Variants in NPDC1 observed in about 807,000 individuals in gnomAD.
The protein encoded by NPDC1 is neural proliferation differentiation and control protein 1.
Under a neutral mutation model 32.5 loss-of-function variants are expected in NPDC1, and 18 were observed. That is an observed-to-expected ratio of 0.55 (90% CI 0.38 to 0.82). The LOEUF (loss-of-function observed/expected upper bound fraction) is 0.82, where lower values mean the gene tolerates loss of function less well. Ranked by LOEUF, NPDC1 falls within the 40% of genes least tolerant of loss-of-function variation. The probability of loss-of-function intolerance (pLI) is 0.00; values close to 1 mark genes in which losing one functional copy is unlikely to be tolerated. For missense variants in NPDC1, 468 were observed against 406.6 expected (o/e 1.15, Z -1.30); for synonymous variants, 210 against 184.7 (o/e 1.14, Z -1.11).
chr9:137,045,256 C>A (rs150270021), intron 1 of NPDC1, among the ~76,000 whole-genome samples: 1 of 152,368 alleles, frequency 6.6e-6, no homozygotes, highest in African/African-American at 2.4e-5. Flanking sequence ...ATGCCAGTGC[C>A]CTCGAGGGCA....
Position 137,046,053 on chromosome 9 carries a change from G to T in NPDC1, c.-64C>A. 1 of 1,154,244 alleles carries T rather than the reference G, an allele frequency of 8.7e-7. No individual in the cohort carries two copies. Among genetic ancestry groups the T allele is most frequent in the Non-Finnish European group, 1.1e-6 (1 of 937,514 alleles). 71.5% of individuals were successfully genotyped at this position (1,154,244 alleles called of 1,614,324 possible). ...GCCAGGGGCTCGGCGCGGGCTCCGG[G>T]CTCCGCGTCGGGAGCAGCGGAGGCA... is the stretch of plus-strand genomic sequence containing the variant. On this transcript the variant is annotated 5_prime_UTR_variant, in exon 1 of 9. Transcript: ENST00000371601.
chr9:137,039,596 G>A lies in NPDC1; in HGVS notation c.*176C>T, dbSNP rs1285824651. 2 of 583,432 alleles carry A rather than the reference G, an allele frequency of 3.4e-6. No homozygotes were observed. Among genetic ancestry groups the A allele is most frequent in the Middle Eastern group, 3.1e-4 (1 of 3,226 alleles). The allele number at this position is 583,432 out of a possible 1,614,324, so 36.1% of individuals were successfully genotyped here. A position where few individuals can be genotyped will look rare whatever the true frequency, so the allele number is the denominator to read the frequency against. On this transcript the variant is annotated 3_prime_UTR_variant, in exon 9 of 9. Coordinates refer to ENST00000371601, the MANE Select transcript of NPDC1 (RefSeq NM_015392.4). ...CAGGAGAGGTGCAGGGGACCAGGAG[G>A]TGTCCTGGCACAAAGGTTCGGGGGT...
At chr9:137,042,463 T>A (rs993383601) in intron 2 of NPDC1, among the ~76,000 whole-genome samples, 1 of 152,034 alleles carries the variant, frequency 6.6e-6, no homozygotes, top group Non-Finnish European at 1.5e-5. Flanking sequence ...TTCACCGTGT[T>A]AGCCAGGATG....
chr9:137,041,218 G>T (rs1832046949), intron 2 of NPDC1, 31 bp from the exon 3 acceptor site: 1 of 1,417,032 alleles, frequency 7.1e-7, no homozygotes, highest in African/African-American at 1.5e-5. Flanking sequence ...TCAGGTGGAG[G>T]GGTCCGTCCA....
Sources: gnomAD v4.1 joint callset for allele counts (sites outside exome capture counted in the v4.1 genomes callset) on GRCh38, gnomAD v4.1.1 for gene constraint, MANE v1.5 for transcripts, NCBI Gene and HGNC (gene_info 2026-07-23, HGNC 2026-07-21) for gene names.